Variants in WDR70 observed in about 807,000 individuals in gnomAD.
WDR70 encodes the protein WD repeat-containing protein 70.
Under a neutral mutation model 88.6 loss-of-function variants are expected in WDR70, and 53 were observed. The ratio of observed to expected loss-of-function variants is 0.60; its 90% CI spans 0.48 to 0.75. The LOEUF is 0.75. WDR70 is among the 30% of genes least tolerant of loss of function. The pLI is 0.00. For synonymous variants in WDR70, 280 were observed against 270.0 expected (o/e 1.04, Z -0.36); for missense variants, 610 against 823.2 (o/e 0.74, Z 3.17).
intron 7 of WDR70, among the ~76,000 whole-genome samples, chr5:37,454,570 TAAA>T (rs760705934): frequency 7.2e-5 from 11 of 152,304 alleles, no homozygotes; most frequent in Non-Finnish European, 1.2e-4. Context: ...TTCTGAAATT[TAAA>T]AATTTCTGTT....
chr5:37,414,204 G>A (rs536553937), intron 5 of WDR70, among the ~76,000 whole-genome samples: 12 of 149,696 alleles, frequency 8.0e-5, no homozygotes, highest in South Asian at 4.2e-4. Flanking sequence ...TGCTCCAAAC[G>A]TCTGGTTTCT....
At chr5:37,693,091 A>G (rs975750561) in intron 10 of WDR70, among the ~76,000 whole-genome samples, 4 of 152,234 alleles carry the variant, frequency 2.6e-5, no homozygotes, top group African/African-American at 9.6e-5. Context: ...CAGCCAAATC[A>G]TGAGTGAACT....
intron 17 of WDR70, among the ~76,000 whole-genome samples, chr5:37,736,857 T>C (rs1178584508): frequency 6.6e-6 from 1 of 152,058 alleles, no homozygotes; most frequent in African/African-American, 2.4e-5. Flanking sequence ...CAACAAATTA[T>C]TCTTTAATAG....
At chr5:37,731,482 A>G (rs1002846623) in intron 17 of WDR70, among the ~76,000 whole-genome samples, 1 of 152,176 alleles carries the variant, frequency 6.6e-6, no homozygotes, top group Non-Finnish European at 1.5e-5. Context: ...AATAGTATTT[A>G]TATGTGTATA....
intron 8 of WDR70, among the ~76,000 whole-genome samples, chr5:37,488,709 T>C (rs1739972196): frequency 6.6e-6 from 1 of 152,208 alleles, no homozygotes; most frequent in African/African-American, 2.4e-5. Flanking sequence ...TCTGGTTCCT[T>C]TGTATTGTTT....
intron 17 of WDR70, among the ~76,000 whole-genome samples, chr5:37,739,196 TA>T (rs1748393738): frequency 6.6e-6 from 1 of 152,188 alleles, no homozygotes; most frequent in Non-Finnish European, 1.5e-5. Flanking sequence ...CATAAACCAG[TA>T]TATGGAATAG....
chr5:37,557,959 T>TTTGAAATCTCTTCAA, intron 9 of WDR70, among the ~76,000 whole-genome samples: 1 of 146,506 alleles, frequency 6.8e-6, no homozygotes, highest in Non-Finnish European at 1.5e-5. Context: ...AAAAGAGTAT[T>TTTGAAATCTCTTCAA]ATGTATATTT....
chr5:37,747,945 C>T (rs1172499857), intron 17 of WDR70, among the ~76,000 whole-genome samples: 1 of 152,088 alleles, frequency 6.6e-6, no homozygotes, highest in African/African-American at 2.4e-5. Context: ...TGTGAAGAAC[C>T]TCTTCAAGGA....
At chr5:37,742,263 GT>G (rs549421990) in intron 17 of WDR70, among the ~76,000 whole-genome samples, 29,597 of 123,502 alleles carry the variant, frequency 0.24, 4,803 homozygotes, top group African/African-American at 0.5. Flanking sequence ...ATTATCTGTT[GT>G]TTTTTTTTTT....
chr5:37,700,868 G>A (rs567171090), intron 11 of WDR70, among the ~76,000 whole-genome samples, 190 bp from the exon 12 acceptor site: 6 of 152,182 alleles, frequency 3.9e-5, no homozygotes, highest in Admixed American at 2.0e-4. Context: ...CTCTCTGAAC[G>A]GTTAAAAAAG....
chr5:37,641,183 C>CACTGCA, intron 10 of WDR70, among the ~76,000 whole-genome samples: 1 of 152,294 alleles, frequency 6.6e-6, no homozygotes, highest in South Asian at 2.1e-4. Flanking sequence ...GATCTTGGCT[C>CACTGCA]ACTGCAACTG....
At chr5:37,537,184 G>A (rs1008186576) in intron 9 of WDR70, among the ~76,000 whole-genome samples, 6 of 152,154 alleles carry the variant, frequency 3.9e-5, no homozygotes, top group Non-Finnish European at 7.4e-5. Context: ...TTAGCAGTAA[G>A]CGGAAGCAGT....
At chr5:37,537,895 C>T (rs915402338) in intron 9 of WDR70, among the ~76,000 whole-genome samples, 3 of 152,096 alleles carry the variant, frequency 2.0e-5, no homozygotes, top group Non-Finnish European at 2.9e-5. Flanking sequence ...CATCAGAATT[C>T]GTAGGTCTAA....
intron 5 of WDR70, among the ~76,000 whole-genome samples, chr5:37,434,325 G>T (rs1312925445): frequency 6.6e-6 from 1 of 152,170 alleles, no homozygotes; most frequent in Non-Finnish European, 1.5e-5. Context: ...TTTGGGTGGG[G>T]TCACAGCCGA....
intron 8 of WDR70, chr5:37,506,498 A>C: frequency 2.6e-6 from 2 of 769,384 alleles, no homozygotes; most frequent in Non-Finnish European, 4.9e-6. Context: ...CTCTGTTCTT[A>C]AGCATGTGGG....
chr5:37,583,117 T>TC (rs1743266366), intron 9 of WDR70, among the ~76,000 whole-genome samples: 1 of 152,176 alleles, frequency 6.6e-6, no homozygotes, highest in Non-Finnish European at 1.5e-5. Context: ...AGAAAATGTA[T>TC]CCCCCTAGAG....
intron 7 of WDR70, among the ~76,000 whole-genome samples, chr5:37,447,573 G>A (rs6872930): frequency 0.43 from 65,541 of 152,058 alleles, 15,688 homozygotes; most frequent in Non-Finnish European, 0.54. Context: ...TTAAGAAAAT[G>A]TTGCACATAT....
At chr5:37,515,318 AAT>A (rs1740853147) in intron 8 of WDR70, among the ~76,000 whole-genome samples, 1 of 152,250 alleles carries the variant, frequency 6.6e-6, no homozygotes, top group Admixed American at 6.5e-5. Flanking sequence ...ACTGATTGAA[AAT>A]AAAGTGGGCA....
chr5:37,567,025 A>G (rs887031713), intron 9 of WDR70, among the ~76,000 whole-genome samples: 1 of 152,196 alleles, frequency 6.6e-6, no homozygotes, highest in Non-Finnish European at 1.5e-5. Context: ...TAATAATAGT[A>G]TGGTAGTTGT....
Sources: gnomAD v4.1 joint callset for allele counts (sites outside exome capture counted in the v4.1 genomes callset) on GRCh38, gnomAD v4.1.1 for gene constraint, MANE v1.5 for transcripts, NCBI Gene and HGNC (gene_info 2026-07-23, HGNC 2026-07-21) for gene names.